The following DKK2 variants were observed in gnomAD, a reference collection of about 807,000 sequenced individuals.
The protein encoded by DKK2 is dickkopf Wnt signaling pathway inhibitor 2, also known as dickkopf-related protein 2.
DKK2 carries 11 observed loss-of-function variants against 28.1 expected under a neutral mutation model. The ratio of observed to expected loss-of-function variants is 0.39; its 90% confidence interval spans 0.25 to 0.65. DKK2 has a LOEUF of 0.65. Among genes scored for constraint, DKK2 ranks in the 30% least tolerant of loss-of-function variants. DKK2 has a pLI of 0.47. For missense variants in DKK2, 326 were observed against 335.5 expected (o/e 0.97, Z 0.22); for synonymous variants, 135 against 126.5 (o/e 1.07, Z -0.45).
At chr4:106,965,595 GA>G (rs1365096955) in intron 1 of DKK2, among the ~76,000 whole-genome samples, 1 of 151,776 alleles carries the variant, frequency 6.6e-6, no homozygotes, top group Non-Finnish European at 1.5e-5. Context: ...AGTAATTTAA[GA>G]TTTTTTTTTT....
chr4:106,985,974 G>A (rs1723114155), intron 1 of DKK2, among the ~76,000 whole-genome samples: 1 of 152,096 alleles, frequency 6.6e-6, no homozygotes. Flanking sequence ...AATCTCACCA[G>A]GAAACCTTTC....
chr4:106,934,058 T>TACACAC (rs148355721), intron 1 of DKK2, among the ~76,000 whole-genome samples: 6 of 140,662 alleles, frequency 4.3e-5, no homozygotes, highest in East Asian at 4.3e-4. Flanking sequence ...TACACACAGA[T>TACACAC]ACACACACAC....
At chr4:107,027,935 G>A (rs1230110902) in intron 1 of DKK2, among the ~76,000 whole-genome samples, 3 of 151,720 alleles carry the variant, frequency 2.0e-5, no homozygotes, top group African/African-American at 7.3e-5. Flanking sequence ...GTATTTTTTA[G>A]TAGAGACGGG....
intron 1 of DKK2, among the ~76,000 whole-genome samples, chr4:106,939,101 G>A (rs542092677): frequency 8.2e-4 from 125 of 152,286 alleles, no homozygotes; most frequent in Non-Finnish European, 1.6e-3. Context: ...AGTGTTGGAC[G>A]TTTTGGCCAG....
At chr4:106,928,988 G>C (rs1441294902) in intron 1 of DKK2, among the ~76,000 whole-genome samples, 155 of 152,244 alleles carry the variant, frequency 1.0e-3, no homozygotes, top group African/African-American at 3.5e-3. Flanking sequence ...CTGTGGCAAT[G>C]AAAGGACTGC....
intron 1 of DKK2, among the ~76,000 whole-genome samples, chr4:106,979,418 C>A (rs1730455614): frequency 6.7e-6 from 1 of 150,060 alleles, no homozygotes; most frequent in Non-Finnish European, 1.5e-5. Context: ...TCCCTGAGTT[C>A]TAATCAGACT....
chr4:106,938,313 A>G (rs1724633284), intron 1 of DKK2, among the ~76,000 whole-genome samples: 1 of 152,232 alleles, frequency 6.6e-6, no homozygotes, highest in South Asian at 2.1e-4. Context: ...CAGAAATCCA[A>G]ACTACCATCA....
At chr4:107,005,183 T>C (rs1245115375) in intron 1 of DKK2, among the ~76,000 whole-genome samples, 4 of 151,368 alleles carry the variant, frequency 2.6e-5, no homozygotes, top group Admixed American at 6.6e-5. Context: ...CTACTAAAAA[T>C]ACAAAAAATT....
chr4:106,943,460 T>TA (rs1331064609), intron 1 of DKK2, among the ~76,000 whole-genome samples: 1 of 152,016 alleles, frequency 6.6e-6, no homozygotes, highest in East Asian at 1.9e-4. Flanking sequence ...CAGGAAATGG[T>TA]AAAAAGGAAA....
chr4:106,960,006 G>C (rs1175808588), intron 1 of DKK2, among the ~76,000 whole-genome samples: 5 of 151,534 alleles, frequency 3.3e-5, no homozygotes, highest in African/African-American at 9.7e-5. Context: ...TTTTATACTA[G>C]ATATCTAGAT....
chr4:106,927,984 C>T (rs1252373637), intron 1 of DKK2, among the ~76,000 whole-genome samples: 5 of 152,100 alleles, frequency 3.3e-5, no homozygotes, highest in African/African-American at 4.8e-5. Context: ...TTCCATCCCC[C>T]CAAAATAGTC....
At chr4:107,022,583 T>C (rs1045054669) in intron 1 of DKK2, among the ~76,000 whole-genome samples, 1 of 152,110 alleles carries the variant, frequency 6.6e-6, no homozygotes, top group Non-Finnish European at 1.5e-5. Flanking sequence ...TTGTGTGCCA[T>C]GATGAGGAGT....
intron 1 of DKK2, among the ~76,000 whole-genome samples, chr4:106,968,230 G>A (rs923689320): frequency 1.3e-5 from 2 of 152,074 alleles, no homozygotes; most frequent in South Asian, 4.1e-4. Context: ...ACATCAGAGA[G>A]TGAGACACAG....
At chr4:107,003,999 A>G (rs1280675380) in intron 1 of DKK2, among the ~76,000 whole-genome samples, 1 of 152,206 alleles carries the variant, frequency 6.6e-6, no homozygotes, top group African/African-American at 2.4e-5. Context: ...CCAAAAATAG[A>G]ATTGATGAAA....
chr4:106,926,462 A>G lies in DKK2; in HGVS notation c.223-513T>C, dbSNP rs1309835604. On this transcript the variant is annotated intron_variant, in intron 1 of 3. Transcript: ENST00000285311. ...AAGTGAACCCTTTCAGTTCCTGCCT[A>G]TAAAAGCAAGGAGGAGAAACATTTC... Among the ~76,000 whole-genome samples, 3 of 152,304 alleles carry G rather than the reference A, an allele frequency of 2.0e-5. No homozygotes were observed. In the East Asian group the frequency reaches 5.8e-4, roughly 29 times the overall value.
chr4:106,979,083 T>G (rs554577817), intron 1 of DKK2, among the ~76,000 whole-genome samples: 78 of 151,990 alleles, frequency 5.1e-4, no homozygotes, highest in African/African-American at 1.7e-3. Flanking sequence ...TTTTGTTTTT[T>G]TTTCAGAATT....
At position 106,941,910 on chromosome 4, in the gene DKK2, TAATC is replaced by T. The variant is rs1025608531; in HGVS notation, c.223-15965_223-15962del. On this transcript the variant is annotated intron_variant, in intron 1 of 3. Transcript: ENST00000285311. ...TTTATTAAAATACTTTTCTAAAAAA[TAATC>T]AATATCTCAGTACATACATGGACTT... Among the ~76,000 whole-genome samples the T allele has an allele frequency of 1.2e-4, 18 of 152,234 alleles. No individual in the cohort carries two copies. In the South Asian group the frequency reaches 1.5e-3, roughly 12 times the overall value.
chr4:107,022,363 T>A (rs1723710354), intron 1 of DKK2, among the ~76,000 whole-genome samples: 1 of 152,132 alleles, frequency 6.6e-6, no homozygotes, highest in Admixed American at 6.5e-5. Flanking sequence ...AGAATTTGAA[T>A]CACATCTGAA....
At chr4:106,935,488 G>T (rs1233648962) in intron 1 of DKK2, among the ~76,000 whole-genome samples, 3 of 152,176 alleles carry the variant, frequency 2.0e-5, no homozygotes, top group Non-Finnish European at 4.4e-5. Context: ...CTCACTGATT[G>T]CTAGCACAGC....
Sources: gnomAD v4.1 joint callset for allele counts (sites outside exome capture counted in the v4.1 genomes callset) on GRCh38, gnomAD v4.1.1 for gene constraint, MANE v1.5 for transcripts, NCBI Gene and HGNC (gene_info 2026-07-23, HGNC 2026-07-21) for gene names.